The following RMST variants were observed in gnomAD, a reference collection of about 807,000 sequenced individuals.
The protein encoded by RMST is long intergenic non-protein coding RNA 54.
rs992526581 is a variant in RMST at position 97,472,468 on chromosome 12, G to A, written n.644+6741G>A. On this transcript the variant is annotated intron_variant and non_coding_transcript_variant, in intron 5 of 13. Coordinates refer to ENST00000640149, the Ensembl canonical transcript of RMST. ...CCTGATGTTTTTAAAGTGCTAGGAA[G>A]ATCCGAATCCAGAGTCAAGTAGTCC... Among the ~76,000 whole-genome samples the A allele has an allele frequency of 1.6e-4, 24 of 152,206 alleles. 1 individual carries two copies. In the South Asian group the frequency reaches 2.5e-3, roughly 16 times the overall value.
chr12:97,550,755 A>G (rs1283170913), intron 11 of RMST, among the ~76,000 whole-genome samples: 1 of 152,180 alleles, frequency 6.6e-6, no homozygotes, highest in African/African-American at 2.4e-5. Flanking sequence ...ATTTTGTGGC[A>G]TCTCTCCTTC....
chr12:97,497,703 T>C (rs1159411643), intron 10 of RMST, among the ~76,000 whole-genome samples: 1 of 152,096 alleles, frequency 6.6e-6, no homozygotes, highest in African/African-American at 2.4e-5. Context: ...GCCTTTCTTT[T>C]TCTAACTTGT....
chr12:97,490,514 A>G (rs541744384), intron 5 of RMST, among the ~76,000 whole-genome samples: 1 of 152,308 alleles, frequency 6.6e-6, no homozygotes, highest in East Asian at 1.9e-4. Flanking sequence ...TTCTATACAC[A>G]AAGCATTTAG....
At chr12:97,480,027 T>G (rs1221700500) in intron 5 of RMST, among the ~76,000 whole-genome samples, 1 of 152,154 alleles carries the variant, frequency 6.6e-6, no homozygotes, top group African/African-American at 2.4e-5. Flanking sequence ...CCCACTTTTG[T>G]TTTCCATATC....
intron 10 of RMST, among the ~76,000 whole-genome samples, chr12:97,518,620 C>CT (rs1308814572): frequency 6.6e-6 from 1 of 152,126 alleles, no homozygotes; most frequent in Non-Finnish European, 1.5e-5. Flanking sequence ...ATTCTCAAGA[C>CT]TATCTTGAGA....
At chr12:97,520,440 T>G (rs1880396731) in intron 10 of RMST, among the ~76,000 whole-genome samples, 1 of 152,208 alleles carries the variant, frequency 6.6e-6, no homozygotes, top group Non-Finnish European at 1.5e-5. Context: ...AACTGTGTAT[T>G]GCATCTGTTT....
chr12:97,552,709 T>C (rs930947821), intron 11 of RMST, among the ~76,000 whole-genome samples: 6 of 152,240 alleles, frequency 3.9e-5, no homozygotes, highest in Admixed American at 2.0e-4. Context: ...TTTGTTGTTG[T>C]TGTTGCTGTT....
At chr12:97,491,610 C>A in intron 5 of RMST, 1 of 212,418 alleles carries the variant, frequency 4.7e-6, no homozygotes, top group Non-Finnish European at 1.0e-5. Context: ...AGAGGTATTG[C>A]ATTTTAAAAT....
At chr12:97,540,835 G>A (rs1882435273) in intron 11 of RMST, among the ~76,000 whole-genome samples, 1 of 151,486 alleles carries the variant, frequency 6.6e-6, no homozygotes, top group African/African-American at 2.4e-5. Flanking sequence ...ATTAGAGAAG[G>A]TTTTAAAATC....
chr12:97,540,967 T>TAGATATAGATAG, intron 11 of RMST, among the ~76,000 whole-genome samples: 1 of 150,982 alleles, frequency 6.6e-6, no homozygotes, highest in Admixed American at 6.6e-5. Flanking sequence ...GATATAGATA[T>TAGATATAGATAG]AGATATAGAT....
At chr12:97,498,886 A>G (rs773979168) in intron 10 of RMST, among the ~76,000 whole-genome samples, 18 of 152,190 alleles carry the variant, frequency 1.2e-4, no homozygotes, top group Non-Finnish European at 2.4e-4. Flanking sequence ...TAAGGGTCAG[A>G]TACTAAGCTG....
intron 10 of RMST, among the ~76,000 whole-genome samples, chr12:97,529,394 G>A (rs1881426025): frequency 6.6e-6 from 1 of 152,054 alleles, no homozygotes; most frequent in South Asian, 2.1e-4. Flanking sequence ...CACAACTGCA[G>A]TTTTCACAGA....
At chr12:97,554,195 C>T (rs1806576561) in intron 11 of RMST, among the ~76,000 whole-genome samples, 1 of 152,014 alleles carries the variant, frequency 6.6e-6, no homozygotes, top group Non-Finnish European at 1.5e-5. Flanking sequence ...CTCAGGTGAT[C>T]CATCTGCCTC....
intron 13 of RMST, chr12:97,563,794 A>C (rs766964231): frequency 2.0e-6 from 1 of 494,680 alleles, no homozygotes; most frequent in African/African-American, 1.9e-5. Context: ...TGAAGAAAAT[A>C]AGTTTTGCAT....
chr12:97,532,645 GTTTTTTTTTT>G (rs34556876), intron 11 of RMST: 9 of 98,364 alleles, frequency 9.1e-5, no homozygotes, highest in African/African-American at 3.2e-4. Context: ...CTGATGTCCC[GTTTTTTTTTT>G]TTTTTTTTTT....
intron 5 of RMST, among the ~76,000 whole-genome samples, chr12:97,479,163 A>G (rs1874920638): frequency 8.9e-6 from 1 of 112,832 alleles, no homozygotes; most frequent in African/African-American, 3.8e-5. Flanking sequence ...TTTTTGAGAC[A>G]AGGTCTCACT....
exon 8 of RMST, chr12:97,493,948 A>G (rs539883301): frequency 5.9e-5 from 9 of 152,338 alleles, no homozygotes; most frequent in Admixed American, 4.6e-4. Context: ...GCTGAAGACC[A>G]TTTTATGCAT....
chr12:97,468,978 A>G (rs942541702), intron 5 of RMST, among the ~76,000 whole-genome samples: 1 of 151,912 alleles, frequency 6.6e-6, no homozygotes. Context: ...TGGGAATCTT[A>G]CTAGTGATTT....
chr12:97,467,316 A>G (rs756727188), intron 5 of RMST, among the ~76,000 whole-genome samples: 1 of 151,992 alleles, frequency 6.6e-6, no homozygotes, highest in Non-Finnish European at 1.5e-5. Flanking sequence ...TTAAAGAATC[A>G]TATCTTTTGG....
Sources: gnomAD v4.1 joint callset for allele counts (sites outside exome capture counted in the v4.1 genomes callset) on GRCh38, gnomAD v4.1.1 for gene constraint, MANE v1.5 for transcripts, NCBI Gene and HGNC (gene_info 2026-07-23, HGNC 2026-07-21) for gene names.